GSE1: variants seen among roughly 807,000 people sequenced by gnomAD.
GSE1 encodes the protein genetic suppressor element 1.
GSE1 carries 32 observed loss-of-function variants against 112.6 expected under a neutral mutation model. The ratio of observed to expected loss-of-function variants is 0.28; its 90% CI spans 0.21 to 0.38. The LOEUF (loss-of-function observed/expected upper bound fraction) is 0.38, where lower values mean the gene tolerates loss of function less well. GSE1 is among the 10% of genes least tolerant of loss of function. The pLI is 1.00. For missense variants in GSE1, 2,348 were observed against 1,699.2 expected (o/e 1.38, Z -6.71); for synonymous variants, 1,115 against 735.6 (o/e 1.52, Z -8.35).
At chr16:85,386,886 T>G (rs577161189) in intron 2 of GSE1, among the ~76,000 whole-genome samples, 1 of 151,760 alleles carries the variant, frequency 6.6e-6, no homozygotes, top group East Asian at 1.9e-4. Flanking sequence ...GGGTGCCTCT[T>G]GGGGTGGCCC....
intron 1 of GSE1, among the ~76,000 whole-genome samples, chr16:85,272,949 T>A (rs1908997110): frequency 6.6e-6 from 1 of 152,186 alleles, no homozygotes; most frequent in African/African-American, 2.4e-5. Flanking sequence ...GCTAACTTTG[T>A]ATTTTTAGTA....
Position 85,672,556 on chromosome 16 carries a change from A to G in GSE1, c.*17A>G. On this transcript the variant is annotated 3_prime_UTR_variant, in exon 16 of 16. Transcript: ENST00000253458. ...CCCAGGTGACGGTTTCCCTTGCACT[A>G]GGCCGAACCTATAGTATAGAAATAT... 1.3e-6 allele frequency: 2 copies of G among 1,562,318 alleles called. No individual in the cohort carries two copies. Among genetic ancestry groups the G allele is most frequent in the Non-Finnish European group, 1.8e-6 (2 of 1,141,462 alleles).
At chr16:85,281,731 G>T (rs965341587) in intron 1 of GSE1, among the ~76,000 whole-genome samples, 4 of 152,220 alleles carry the variant, frequency 2.6e-5, no homozygotes, top group African/African-American at 9.6e-5. Context: ...GCCCACTTCA[G>T]GTTATAGGTG....
intron 2 of GSE1, among the ~76,000 whole-genome samples, chr16:85,439,948 A>G (rs948934154): frequency 2.0e-5 from 3 of 152,252 alleles, no homozygotes; most frequent in African/African-American, 7.2e-5. Flanking sequence ...AGAGACACTC[A>G]GGTACACAGA....
chr16:85,535,282 G>T (rs1451025504), intron 2 of GSE1, among the ~76,000 whole-genome samples: 1 of 152,190 alleles, frequency 6.6e-6, no homozygotes, highest in African/African-American at 2.4e-5. Flanking sequence ...ATACAACAAG[G>T]CATCCTTACG....
intron 2 of GSE1, among the ~76,000 whole-genome samples, chr16:85,542,361 T>C (rs9935481): frequency 0.011 from 1,750 of 152,290 alleles, 47 homozygotes; most frequent in African/African-American, 0.041. Flanking sequence ...GGGGGATCAT[T>C]TCGTCCAAGT....
chr16:85,433,591 G>T (rs1215677371), intron 2 of GSE1, among the ~76,000 whole-genome samples: 1 of 65,164 alleles, frequency 1.5e-5, no homozygotes, highest in African/African-American at 1.7e-4. Flanking sequence ...AAGGATCCTG[G>T]ATGGATGGAT....
At chr16:85,176,193 G>A (rs928275227) in intron 1 of GSE1, among the ~76,000 whole-genome samples, 2 of 152,186 alleles carry the variant, frequency 1.3e-5, no homozygotes, top group African/African-American at 4.8e-5. Context: ...TGCCCTGGCT[G>A]ATCTCCTAAG....
Position 85,656,384 on chromosome 16 carries a change from A to C in GSE1, c.1031A>C (p.Glu344Ala), listed in dbSNP as rs1382256202. 1 of 1,561,124 alleles carries C rather than the reference A, an allele frequency of 6.4e-7. No homozygotes were observed. The highest frequency in any genetic ancestry group is 8.7e-7 in the Non-Finnish European group (1 of 1,148,628). Reference protein sequence around the residue: ...DEELRREREREREREREREAD... With the variant: ...DEELRRERERAREREREREAD... ...GAGCTAAGGCGGGAGAGGGAGCGCG[A>C]GCGCGAGCGCGAGCGTGAGCGTGAG... is the stretch of plus-strand genomic sequence containing the variant. Residue 344 changes from glutamate (E) to alanine (A), a missense_variant, in exon 7 of 16, where the codon GAG becomes GCG. Glu to Ala is a moderately radical substitution (Grantham distance 107, BLOSUM62 -1). Transcript: ENST00000253458.
intron 1 of GSE1, among the ~76,000 whole-genome samples, chr16:85,220,112 G>A (rs1404351666): frequency 4.6e-5 from 7 of 152,200 alleles, no homozygotes; most frequent in South Asian, 2.1e-4. Context: ...CCCCACCCTC[G>A]GCCCCTCACC....
At chr16:85,433,151 G>A (rs1341991820) in intron 2 of GSE1, among the ~76,000 whole-genome samples, 2 of 151,962 alleles carry the variant, frequency 1.3e-5, no homozygotes, top group Non-Finnish European at 2.9e-5. Flanking sequence ...AGAGGGCCTC[G>A]AGCTGTGGGC....
chr16:85,369,284 C>T (rs1223333024), intron 2 of GSE1, among the ~76,000 whole-genome samples: 1 of 152,040 alleles, frequency 6.6e-6, no homozygotes, highest in Non-Finnish European at 1.5e-5. Flanking sequence ...GGCGTGATCA[C>T]GGCTCACTGC....
chr16:85,446,378 CAG>C (rs2151792757), intron 2 of GSE1, among the ~76,000 whole-genome samples: 1 of 152,326 alleles, frequency 6.6e-6, no homozygotes, highest in East Asian at 1.9e-4. Context: ...GGGATAAAAA[CAG>C]AACTGAACCT....
At chr16:85,433,430 A>C (rs1304723621) in intron 2 of GSE1, among the ~76,000 whole-genome samples, 1 of 152,120 alleles carries the variant, frequency 6.6e-6, no homozygotes, top group African/African-American at 2.4e-5. Flanking sequence ...GAGAAGCAGG[A>C]GTGCACACCA....
In GSE1 at chr16:85,345,715, C is replaced by T. The variant is rs577127015; in HGVS notation, c.2284-11748C>T. Among the ~76,000 whole-genome samples, 24 of 152,294 alleles carry T rather than the reference C, an allele frequency of 1.6e-4. No homozygotes were observed. The South Asian group carries it at 4.8e-3, about 30-fold the overall frequency. On this transcript the variant is annotated intron_variant, in intron 1 of 2. Coordinates refer to the GSE1 transcript ENST00000637419. Reference sequence around the variant, plus strand: ...CAGATGAACAGTTTGTTTATTCATACTCATGTTAAAATACTGTGTGTCTCC... The same window carrying T: ...CAGATGAACAGTTTGTTTATTCATATTCATGTTAAAATACTGTGTGTCTCC...
chr16:85,506,262 G>A (rs149828847), intron 2 of GSE1, among the ~76,000 whole-genome samples: 133 of 152,320 alleles, frequency 8.7e-4, no homozygotes, highest in African/African-American at 2.9e-3. Context: ...AATGTGGTCC[G>A]TGAGGCCCAG....
At position 85,206,158 on chromosome 16, in the gene GSE1, C is replaced by T. The variant is rs558693465; in HGVS notation, c.2283+34351C>T. 3.5e-3 allele frequency among the ~76,000 whole-genome samples: 502 copies of T among 141,410 alleles called. 5 individuals carry two copies. Among genetic ancestry groups the T allele is most frequent in the African/African-American group, 0.013 (457 of 36,338 alleles). 92.8% of individuals were successfully genotyped at this position (141,410 alleles called of 152,430 possible). On this transcript the variant is annotated intron_variant, in intron 1 of 2. Coordinates refer to the GSE1 transcript ENST00000637419. ...TTCTGAACGATAAGGGGGAGTGAAC[C>T]GGGCACGGGAAGGGGGGAGGGAAGC...
At chr16:85,352,897 C>G (rs1450098785) in intron 1 of GSE1, among the ~76,000 whole-genome samples, 1 of 152,228 alleles carries the variant, frequency 6.6e-6, no homozygotes, top group Non-Finnish European at 1.5e-5. Context: ...GGACTGGCAC[C>G]TGGTTCCCTC....
At chr16:85,474,413 G>A (rs1298325944) in intron 2 of GSE1, among the ~76,000 whole-genome samples, 1 of 152,268 alleles carries the variant, frequency 6.6e-6, no homozygotes, top group Non-Finnish European at 1.5e-5. Context: ...GGAGGTGCAC[G>A]GAGGGAGGCG....
Sources: gnomAD v4.1 joint callset for allele counts (sites outside exome capture counted in the v4.1 genomes callset) on GRCh38, gnomAD v4.1.1 for gene constraint, MANE v1.5 for transcripts, NCBI Gene and HGNC (gene_info 2026-07-23, HGNC 2026-07-21) for gene names.